The following ADAMTSL3 variants were observed in gnomAD, a reference collection of about 807,000 sequenced individuals.
The protein encoded by ADAMTSL3 is ADAMTS-like protein 3.
Under a neutral mutation model 201.7 loss-of-function variants are expected in ADAMTSL3, and 128 were observed. The observed-to-expected ratio is 0.63, with a 90% CI of 0.55 to 0.73. ADAMTSL3 has a LOEUF of 0.73. ADAMTSL3 is among the 30% of genes least tolerant of loss of function. ADAMTSL3 has a pLI of 0.00. For synonymous variants in ADAMTSL3, 738 were observed against 748.4 expected (o/e 0.99, Z 0.23); for missense variants, 1,990 against 2,119.6 (o/e 0.94, Z 1.20).
intron 3 of ADAMTSL3, among the ~76,000 whole-genome samples, chr15:83,724,846 C>G (rs867426901): frequency 9.2e-5 from 14 of 152,040 alleles, no homozygotes; most frequent in Non-Finnish European, 7.4e-5. Context: ...GCATAAAGAC[C>G]TCCAGTTTCA....
At chr15:83,751,437 CTTG>C (rs1309734874) in intron 3 of ADAMTSL3, among the ~76,000 whole-genome samples, 1 of 152,068 alleles carries the variant, frequency 6.6e-6, no homozygotes, top group Non-Finnish European at 1.5e-5. Flanking sequence ...TTCCTAGAGC[CTTG>C]TTGGCTGCTC....
intron 26 of ADAMTSL3, among the ~76,000 whole-genome samples, chr15:84,024,392 T>C (rs960179842): frequency 1.3e-5 from 2 of 152,236 alleles, no homozygotes; most frequent in Admixed American, 6.5e-5. Context: ...TGTCATAATG[T>C]AATGTGTAAA....
At chr15:83,954,079 G>C (rs1463540988) in intron 19 of ADAMTSL3, among the ~76,000 whole-genome samples, 1 of 152,022 alleles carries the variant, frequency 6.6e-6, no homozygotes, top group Non-Finnish European at 1.5e-5. Flanking sequence ...TCTTTCTCTA[G>C]GTTTGGGAAG....
intron 9 of ADAMTSL3, among the ~76,000 whole-genome samples, chr15:83,871,645 T>C (rs1294232648): frequency 6.6e-6 from 1 of 152,190 alleles, no homozygotes; most frequent in Non-Finnish European, 1.5e-5. Flanking sequence ...ACTCTTCTTC[T>C]CTGGAACCAT....
At chr15:83,787,886 GA>G (rs2063289567) in intron 4 of ADAMTSL3, among the ~76,000 whole-genome samples, 1 of 150,938 alleles carries the variant, frequency 6.6e-6, no homozygotes, top group Admixed American at 6.6e-5. Flanking sequence ...CCATACCCCA[GA>G]GTTTTATATA....
intron 4 of ADAMTSL3, among the ~76,000 whole-genome samples, chr15:83,789,347 A>T (rs12902288): frequency 6.6e-6 from 1 of 152,016 alleles, no homozygotes; most frequent in African/African-American, 2.4e-5. Context: ...CTTCTGTTTC[A>T]TCTCTGAGAG....
At chr15:83,732,666 A>G (rs1339783213) in intron 3 of ADAMTSL3, among the ~76,000 whole-genome samples, 1 of 152,174 alleles carries the variant, frequency 6.6e-6, no homozygotes, top group Non-Finnish European at 1.5e-5. Context: ...AGTTGATTAC[A>G]TTCCATAAAA....
Position 84,014,650 on chromosome 15 carries a change from A to T in ADAMTSL3, c.4082A>T (p.Asn1361Ile), listed in dbSNP as rs753451576. 9.3e-6 allele frequency: 15 copies of T among 1,612,400 alleles called. No homozygotes were observed. The South Asian group carries it at 1.4e-4, about 15-fold the overall frequency. ...SLLLQNVSLE[N>I]EGTYVCIATN... is the part of the protein sequence containing the mutation. The stretch of plus-strand genomic sequence containing the variant: ...TTGTTGCAGAATGTTTCCCTTGAAA[A>T]TGAAGGAACCTACGTCTGCATAGCC... The change falls in exon 24 of 30, where the codon AAT (asparagine) becomes ATT (isoleucine). Residue 1361 changes from asparagine to isoleucine, a missense_variant. Physicochemically the swap from Asn to Ile is moderately radical, Grantham distance 149 (BLOSUM62 -3). Coordinates refer to ENST00000286744, the MANE Select transcript of ADAMTSL3 (RefSeq NM_207517.3).
At chr15:83,956,409 T>G (rs757390562) in intron 19 of ADAMTSL3, among the ~76,000 whole-genome samples, 3 of 152,262 alleles carry the variant, frequency 2.0e-5, no homozygotes, top group Non-Finnish European at 4.4e-5. Flanking sequence ...TTAGTTCTTA[T>G]GAAGGTGCTT....
intron 6 of ADAMTSL3, among the ~76,000 whole-genome samples, chr15:83,820,710 G>C (rs1252763546): frequency 6.6e-6 from 1 of 152,196 alleles, no homozygotes; most frequent in African/African-American, 2.4e-5. Flanking sequence ...ATTTTTCAGA[G>C]TGGTCTCTGC....
At chr15:83,972,929 C>T (rs1383572754) in intron 20 of ADAMTSL3, among the ~76,000 whole-genome samples, 1 of 152,190 alleles carries the variant, frequency 6.6e-6, no homozygotes, top group Non-Finnish European at 1.5e-5. Flanking sequence ...CTCTTATCCT[C>T]TCTACACCGT....
chr15:83,856,817 G>T (rs1389316525), intron 7 of ADAMTSL3, among the ~76,000 whole-genome samples: 1 of 152,120 alleles, frequency 6.6e-6, no homozygotes, highest in Non-Finnish European at 1.5e-5. Context: ...ATTCTTTTGG[G>T]TATATTCCTA....
intron 6 of ADAMTSL3, among the ~76,000 whole-genome samples, chr15:83,834,673 A>C (rs1277352558): frequency 1.3e-5 from 2 of 152,234 alleles, no homozygotes; most frequent in African/African-American, 4.8e-5. Flanking sequence ...TATTCCAAAA[A>C]GCACTACTCA....
chr15:84,037,291 G>A (rs952424630), intron 29 of ADAMTSL3, among the ~76,000 whole-genome samples: 6 of 152,174 alleles, frequency 3.9e-5, no homozygotes, highest in African/African-American at 9.7e-5. Context: ...GTAGTCTTAC[G>A]TGCTAAGACA....
intron 19 of ADAMTSL3, 111 bp downstream of exon 19, chr15:83,943,193 C>A: frequency 8.0e-7 from 1 of 1,251,636 alleles, no homozygotes; most frequent in Non-Finnish European, 1.1e-6. Flanking sequence ...GAGTATGGGT[C>A]CTAGGGGGCC....
At chr15:83,861,348 G>C (rs567428004) in intron 8 of ADAMTSL3, 1 of 152,932 alleles carries the variant, frequency 6.5e-6, no homozygotes, top group East Asian at 1.9e-4. Context: ...TCCTCAAGTG[G>C]GTCCCTGACC....
At chr15:83,848,589 G>C (rs572136887) in intron 7 of ADAMTSL3, among the ~76,000 whole-genome samples, 1 of 152,322 alleles carries the variant, frequency 6.6e-6, no homozygotes, top group Admixed American at 6.5e-5. Context: ...TGTGTGATGA[G>C]TGAATTTGAG....
At chr15:83,835,233 C>CAA (rs58071247) in intron 6 of ADAMTSL3, among the ~76,000 whole-genome samples, 1,952 of 111,896 alleles carry the variant, frequency 0.017, 60 homozygotes, top group African/African-American at 0.053. Flanking sequence ...GACTCTGTCT[C>CAA]AAAAAAAAAA....
chr15:83,849,460 A>G (rs1400777193), intron 7 of ADAMTSL3, among the ~76,000 whole-genome samples: 1 of 152,172 alleles, frequency 6.6e-6, no homozygotes, highest in East Asian at 1.9e-4. Flanking sequence ...TGGCTTATAG[A>G]CCAATAGAAA....
Sources: allele counts gnomAD v4.1 joint callset (sites outside exome capture counted in the v4.1 genomes callset), GRCh38; gene constraint gnomAD v4.1.1; transcripts MANE v1.5; gene names NCBI Gene and HGNC (gene_info 2026-07-23, HGNC 2026-07-21).